The following GMPS variants were observed in gnomAD, a reference collection of about 807,000 sequenced individuals.
The protein encoded by GMPS is guanosine monophosphate synthase.
In GMPS, 15 loss-of-function variants were observed where a neutral mutation model predicts 77.9. The observed-to-expected ratio is 0.19, with a 90% CI of 0.13 to 0.30. GMPS has a LOEUF of 0.30. Ranked by LOEUF, GMPS falls within the 10% of genes least tolerant of loss-of-function variation. The pLI, the probability that GMPS is intolerant of heterozygous loss-of-function variation, is 1.00. For missense variants in GMPS, 590 were observed against 838.8 expected, an observed-to-expected ratio of 0.70 and a Z score of 3.66; for synonymous variants, 224 against 275.9, an observed-to-expected ratio of 0.81 and a Z score of 1.86.
chr3:155,908,999 G>A (rs574591142), intron 5 of GMPS, among the ~76,000 whole-genome samples: 1 of 152,214 alleles, frequency 6.6e-6, no homozygotes, highest in African/African-American at 2.4e-5. Flanking sequence ...AGATGAAGAG[G>A]AACCAGCAAA....
intron 1 of GMPS, among the ~76,000 whole-genome samples, chr3:155,881,164 G>GTTTTTT (rs11334499): frequency 2.1e-4 from 11 of 52,926 alleles, no homozygotes; most frequent in Admixed American, 2.9e-4. Flanking sequence ...TTTGATATTA[G>GTTTTTT]TTTTTTTTTT....
In GMPS at chr3:155,943,724, AATG is replaced by A. The variant is rs1202507657; in HGVS notation, c.*6038_*6040del. On this transcript the variant is annotated 3_prime_UTR_variant, in exon 16 of 16. Transcript: ENST00000496455. ...CTTCAATATACTTCATAAAGGAGGA[AATG>A]ATGATTTACACAATTTGTCATGAAG... The A allele has an allele frequency of 1.2e-5, 2 of 165,806 alleles. No homozygotes were observed. Among genetic ancestry groups the A allele is most frequent in the East Asian group, 2.4e-4 (2 of 8,210 alleles). 10.3% of individuals were successfully genotyped at this position (165,806 alleles called of 1,614,324 possible).
chr3:155,895,994 G>GTT (rs796390950), intron 2 of GMPS, among the ~76,000 whole-genome samples: 5 of 150,258 alleles, frequency 3.3e-5, no homozygotes, highest in African/African-American at 1.2e-4. Context: ...TTTAGCTTCT[G>GTT]TTTTTTTTGT....
chr3:155,915,971 TA>T (rs1755167358), intron 8 of GMPS, 47 bp from the exon 9 acceptor site: 5 of 1,369,258 alleles, frequency 3.7e-6, no homozygotes, highest in Admixed American at 2.3e-5. Context: ...CTTTTGCTTT[TA>T]AAAAAAGTTA....
At chr3:155,915,438 G>C (rs1395775235) in intron 8 of GMPS, among the ~76,000 whole-genome samples, 1 of 151,830 alleles carries the variant, frequency 6.6e-6, no homozygotes, top group Non-Finnish European at 1.5e-5. Context: ...GTCTCACTCT[G>C]CCGCCCAGGC....
intron 1 of GMPS, among the ~76,000 whole-genome samples, chr3:155,872,222 G>T (rs1753923544): frequency 6.6e-6 from 1 of 152,134 alleles, no homozygotes; most frequent in Non-Finnish European, 1.5e-5. Context: ...TTAGCACCCG[G>T]TAATCATTCA....
chr3:155,895,225 C>T (rs1262470040), intron 2 of GMPS, among the ~76,000 whole-genome samples: 1 of 152,152 alleles, frequency 6.6e-6, no homozygotes, highest in Admixed American at 6.5e-5. Context: ...GTAATCCTTT[C>T]TGTAGAAATA....
intron 3 of GMPS, 85 bp from the exon 4 acceptor site, chr3:155,903,778 A>G (rs893132498): frequency 3.4e-6 from 2 of 582,142 alleles, no homozygotes; most frequent in Non-Finnish European, 6.0e-6. Context: ...TTCTGAAAAG[A>G]AATAATATAA....
At chr3:155,899,349 CAA>C (rs1005692270) in intron 3 of GMPS, among the ~76,000 whole-genome samples, 3 of 149,698 alleles carry the variant, frequency 2.0e-5, no homozygotes, top group Admixed American at 2.0e-4. Context: ...GCCTCAGTGA[CAA>C]GAGCAAAACT....
In GMPS at chr3:155,893,711, A is replaced by C. The variant is rs1333001193; in HGVS notation, c.209+12A>C. The C allele has an allele frequency of 6.6e-7, 1 of 1,506,460 alleles. No homozygotes were observed. The highest frequency in any genetic ancestry group is 1.4e-5 in the African/African-American group (1 of 72,052). The allele number at this position is 1,506,460 out of a possible 1,614,324, so 93.3% of individuals were successfully genotyped here. On this transcript the variant is annotated intron_variant, in intron 2 of 15. Coordinates refer to ENST00000496455, the MANE Select transcript of GMPS (RefSeq NM_003875.3). ...GAACAAGGATTCCGGTAGACTTTTC[A>C]CTAATCTTTTCATGAGGAGATTGAA...
chr3:155,914,323 G>T, intron 7 of GMPS, 96 bp from the exon 8 acceptor site: 2 of 874,534 alleles, frequency 2.3e-6, no homozygotes, highest in Non-Finnish European at 1.7e-6. Flanking sequence ...TCTTCAGACT[G>T]GGAAAGAAAT....
At chr3:155,906,344 C>T (rs1164205435) in intron 5 of GMPS, 81 bp downstream of exon 5, 1 of 689,612 alleles carries the variant, frequency 1.5e-6, no homozygotes, top group African/African-American at 1.8e-5. Context: ...ATGAGGTACT[C>T]TTTGATTTTT....
intron 2 of GMPS, among the ~76,000 whole-genome samples, chr3:155,894,881 G>A (rs567508761): frequency 5.2e-4 from 79 of 152,292 alleles, no homozygotes; most frequent in African/African-American, 1.8e-3. Flanking sequence ...GAATTTTAGA[G>A]TAATAAGGGA....
intron 1 of GMPS, among the ~76,000 whole-genome samples, chr3:155,888,804 C>CG (rs1754398999): frequency 6.6e-6 from 1 of 151,984 alleles, no homozygotes; most frequent in African/African-American, 2.4e-5. Flanking sequence ...AGGCTGGTCT[C>CG]GAACTCCTGA....
intron 1 of GMPS, among the ~76,000 whole-genome samples, chr3:155,892,243 T>G (rs1291450002): frequency 1.3e-5 from 2 of 152,208 alleles, no homozygotes; most frequent in African/African-American, 4.8e-5. Context: ...TACAGACTTT[T>G]GCACTTTTAT....
At chr3:155,890,289 A>C (rs996346339) in intron 1 of GMPS, among the ~76,000 whole-genome samples, 1 of 152,126 alleles carries the variant, frequency 6.6e-6, no homozygotes, top group Non-Finnish European at 1.5e-5. Flanking sequence ...AGATTAGTTT[A>C]CTTAAATAAA....
At chr3:155,906,580 C>T (rs1380129439) in intron 5 of GMPS, among the ~76,000 whole-genome samples, 1 of 152,146 alleles carries the variant, frequency 6.6e-6, no homozygotes, top group Non-Finnish European at 1.5e-5. Context: ...AACTCGCTGT[C>T]TTCATACTAT....
intron 7 of GMPS, 25 bp downstream of exon 7, chr3:155,911,304 A>G: frequency 1.3e-6 from 2 of 1,518,244 alleles, no homozygotes; most frequent in Non-Finnish European, 1.8e-6. Flanking sequence ...CAGAAAAGTT[A>G]ACTTACATGT....
intron 5 of GMPS, among the ~76,000 whole-genome samples, chr3:155,908,032 G>GGT (rs77708163): frequency 0.054 from 8,282 of 152,262 alleles, 316 homozygotes; most frequent in East Asian, 0.18. Flanking sequence ...CTCATAGTGA[G>GGT]GTGGGGTTTT....
Sources: allele counts gnomAD v4.1 joint callset (sites outside exome capture counted in the v4.1 genomes callset), GRCh38; gene constraint gnomAD v4.1.1; transcripts MANE v1.5; gene names NCBI Gene and HGNC (gene_info 2026-07-23, HGNC 2026-07-21).